The following CPT1A variants were observed in gnomAD, a reference collection of about 807,000 sequenced individuals.
The protein encoded by CPT1A is carnitine O-palmitoyltransferase 1, liver isoform.
A neutral mutation model predicts 100.8 loss-of-function variants in CPT1A; 64 were observed. The observed-to-expected ratio is 0.63, with a 90% confidence interval of 0.52 to 0.78. CPT1A has a LOEUF of 0.78. Among genes scored for constraint, CPT1A ranks in the 30% least tolerant of loss-of-function variants. The pLI is 0.00. For synonymous variants in CPT1A, 363 were observed against 396.0 expected, an observed-to-expected ratio of 0.92 and a Z score of 0.99; for missense variants, 802 against 1,034.1, an observed-to-expected ratio of 0.78 and a Z score of 3.08.
chr11:68,789,787 C>G (rs527512398), intron 9 of CPT1A, among the ~76,000 whole-genome samples: 1 of 152,180 alleles, frequency 6.6e-6, no homozygotes, highest in African/African-American at 2.4e-5. Flanking sequence ...GGGTGCCCAT[C>G]ATTTCCTTTC....
chr11:68,761,423 GT>G, intron 16 of CPT1A, 111 bp downstream of exon 16: 3 of 1,284,762 alleles, frequency 2.3e-6, no homozygotes, highest in Non-Finnish European at 3.4e-6. Context: ...CCACAGACCC[GT>G]TTTTTTCAAA....
chr11:68,788,630 T>TAA, intron 9 of CPT1A, among the ~76,000 whole-genome samples: 14,497 of 27,490 alleles, frequency 0.53, 4,217 homozygotes, highest in East Asian at 0.68. Context: ...CAAACAAAAG[T>TAA]AAAAAAAAAA....
intron 1 of CPT1A, among the ~76,000 whole-genome samples, chr11:68,821,481 G>C (rs1856581601): frequency 6.6e-6 from 1 of 151,966 alleles, no homozygotes; most frequent in African/African-American, 2.4e-5. Context: ...GTAGAGACCT[G>C]GTTTCCCCAC....
intron 12 of CPT1A, among the ~76,000 whole-genome samples, chr11:68,777,863 T>A (rs1486902103): frequency 6.6e-6 from 1 of 152,222 alleles, no homozygotes; most frequent in African/African-American, 2.4e-5. Context: ...CGGGCTATTA[T>A]GCTGTGCAGA....
intron 1 of CPT1A, among the ~76,000 whole-genome samples, chr11:68,828,349 C>G (rs567539255): frequency 1.3e-5 from 2 of 152,358 alleles, no homozygotes; most frequent in East Asian, 3.9e-4. Flanking sequence ...GTTCCTTCCG[C>G]TTCTGTGTGT....
chr11:68,793,434 G>A (rs377266101), intron 8 of CPT1A, 32 bp from the exon 9 acceptor site: 238 of 1,551,156 alleles, frequency 1.5e-4, no homozygotes, highest in Non-Finnish European at 2.1e-4. Flanking sequence ...AACCAACAAC[G>A]AAAATCCCAC....
upstream of CPT1A, among the ~76,000 whole-genome samples, chr11:68,843,989 C>A (rs1857204871): frequency 6.6e-6 from 1 of 152,264 alleles, no homozygotes; most frequent in African/African-American, 2.4e-5. This position sits in a 1 kb window ranked among gnomAD's most constrained non-coding sequence, Gnocchi z 4.0. Context: ...CCCCGGTGCG[C>A]GCCCAGCTGG....
intron 14 of CPT1A, among the ~76,000 whole-genome samples, chr11:68,769,690 C>G (rs1854931554): frequency 6.6e-6 from 1 of 152,104 alleles, no homozygotes; most frequent in South Asian, 2.1e-4. Context: ...TTTCAAGCCT[C>G]AAGATCAACT....
At chr11:68,831,637 C>CTTTTTTTTT (rs11372679) in intron 1 of CPT1A, among the ~76,000 whole-genome samples, 1 of 142,904 alleles carries the variant, frequency 7.0e-6, no homozygotes, top group African/African-American at 2.6e-5. Flanking sequence ...CAGCACATTC[C>CTTTTTTTTT]TTTTTTTTTT....
chr11:68,834,170 C>T (rs539101739), intron 1 of CPT1A, among the ~76,000 whole-genome samples: 3 of 152,318 alleles, frequency 2.0e-5, no homozygotes, highest in African/African-American at 7.2e-5. Flanking sequence ...GGCACGGTGG[C>T]TCATGCCTAT....
intron 15 of CPT1A, among the ~76,000 whole-genome samples, chr11:68,761,958 C>A (rs1854638105): frequency 1.3e-5 from 2 of 152,040 alleles, no homozygotes; most frequent in South Asian, 4.1e-4. Context: ...AGAGCCCTGG[C>A]CAGTGTCTCC....
chr11:68,839,384 G>A (rs922947401), intron 1 of CPT1A, among the ~76,000 whole-genome samples: 2 of 152,148 alleles, frequency 1.3e-5, no homozygotes, highest in African/African-American at 4.8e-5. Flanking sequence ...GGCGTCACGT[G>A]ACGGCTGAGA....
chr11:68,777,658 T>C (rs753675491), intron 12 of CPT1A, among the ~76,000 whole-genome samples: 24 of 152,162 alleles, frequency 1.6e-4, no homozygotes, highest in Non-Finnish European at 2.9e-4. Flanking sequence ...TGGTCTAAGA[T>C]AAAATCCCTT....
chr11:68,767,328 G>A lies in CPT1A; in HGVS notation c.1741-4567C>T, dbSNP rs185230762. Among the ~76,000 whole-genome samples the A allele has an allele frequency of 3.1e-3, 468 of 152,298 alleles. 2 individuals carry two copies. The highest frequency in any genetic ancestry group is 0.011 in the African/African-American group (444 of 41,572). On this transcript the variant is annotated intron_variant, in intron 14 of 18. Coordinates refer to ENST00000265641, the MANE Select transcript of CPT1A (RefSeq NM_001876.4). ...ATGCCATAGATGGCTGGGCGTGGTG[G>A]CTCACACCTGTAATCCCAGCACTTT...
chr11:68,838,966 G>A lies in CPT1A; in HGVS notation c.-14+2809C>T, dbSNP rs75024184. On this transcript the variant is annotated intron_variant, in intron 1 of 18. Transcript: ENST00000265641. ...TCACAAGAAAAGCTCAAGACTGGCA[G>A]AAGACAAGTGAGGCCTCTTTAAAGT... Among the ~76,000 whole-genome samples, 1,065 of 152,304 alleles carry A rather than the reference G, an allele frequency of 7.0e-3. 15 individuals are homozygous for A. The highest frequency in any genetic ancestry group is 0.024 in the Admixed American group (364 of 15,296).
chr11:68,779,035 C>T (rs1305298106), intron 12 of CPT1A, among the ~76,000 whole-genome samples: 5 of 152,192 alleles, frequency 3.3e-5, no homozygotes, highest in Admixed American at 6.5e-5. Context: ...CCGCCTGCCT[C>T]GGCCTCCCAA....
At chr11:68,811,460 T>C (rs7126202) in intron 3 of CPT1A, among the ~76,000 whole-genome samples, 23,233 of 152,088 alleles carry the variant, frequency 0.15, 4,631 homozygotes, top group African/African-American at 0.46. Flanking sequence ...GAAGCTGAGT[T>C]GCCCTGCGTT....
At chr11:68,835,605 G>A (rs1051056443) in intron 1 of CPT1A, among the ~76,000 whole-genome samples, 5 of 151,840 alleles carry the variant, frequency 3.3e-5, no homozygotes, top group Non-Finnish European at 5.9e-5. Context: ...CACAAAACTC[G>A]TGTGACATGG....
At chr11:68,775,232 C>T in intron 13 of CPT1A, 84 bp downstream of exon 13, 1 of 1,164,200 alleles carries the variant, frequency 8.6e-7, no homozygotes, top group Non-Finnish European at 1.3e-6. Context: ...AGGGCAGGAA[C>T]TACGGTTGGA....
Sources: gnomAD v4.1 joint callset for allele counts (sites outside exome capture counted in the v4.1 genomes callset) on GRCh38, gnomAD v4.1.1 for gene constraint, Gnocchi (gnomAD v3.1) non-coding constraint, MANE v1.5 for transcripts, NCBI Gene and HGNC (gene_info 2026-07-23, HGNC 2026-07-21) for gene names.